Variants in MICU3 observed in about 807,000 individuals in gnomAD.
The protein encoded by MICU3 is mitochondrial calcium uptake 3.
Under a neutral mutation model 66.5 loss-of-function variants are expected in MICU3, and 62 were observed. The observed-to-expected ratio is 0.93, with a 90% confidence interval of 0.76 to 1.15. The LOEUF is 1.15. MICU3 is among the 50% of genes most tolerant of loss of function. MICU3 has a pLI of 0.00. For missense variants in MICU3, 779 were observed against 664.4 expected, an observed-to-expected ratio of 1.17 and a Z score of -1.90; for synonymous variants, 308 against 240.7, an observed-to-expected ratio of 1.28 and a Z score of -2.59.
chr8:17,124,411 C>A (rs1159923451), downstream of MICU3, among the ~76,000 whole-genome samples: 1 of 152,000 alleles, frequency 6.6e-6, no homozygotes, highest in African/African-American at 2.4e-5. Flanking sequence ...GTGACCAGAA[C>A]TATACATGCA....
intron 1 of MICU3, among the ~76,000 whole-genome samples, chr8:17,052,928 A>C (rs981770017): frequency 6.6e-6 from 1 of 152,154 alleles, no homozygotes; most frequent in Non-Finnish European, 1.5e-5. Context: ...TAGAAATATA[A>C]ATTTGCAAGA....
chr8:17,070,488 A>G lies in MICU3; in HGVS notation c.567+769A>G, dbSNP rs561052532. On this transcript the variant is annotated intron_variant, in intron 3 of 14. Coordinates refer to ENST00000318063, the MANE Select transcript of MICU3 (RefSeq NM_181723.3). ...AAAGGAATAATTAACATTAAATTCA[A>G]GAAAGTATTCATCTTCAGGATGATA... 5.3e-3 allele frequency among the ~76,000 whole-genome samples: 810 copies of G among 152,260 alleles called. 9 individuals carry two copies. Among genetic ancestry groups the G allele is most frequent in the African/African-American group, 0.018 (769 of 41,578 alleles).
intron 11 of MICU3, among the ~76,000 whole-genome samples, chr8:17,110,744 G>C (rs923807020): frequency 1.5e-4 from 22 of 150,216 alleles, no homozygotes; most frequent in South Asian, 1.0e-3. Context: ...TTTGGGGAGG[G>C]GGGGGTAGAG....
At chr8:17,083,947 G>A (rs562982470) in intron 5 of MICU3, among the ~76,000 whole-genome samples, 1 of 152,178 alleles carries the variant, frequency 6.6e-6, no homozygotes, top group African/African-American at 2.4e-5. Context: ...GTATAGTTTA[G>A]GAGGGTCAGA....
At chr8:17,134,443 G>C in the MICU3 span, among the ~76,000 whole-genome samples, 1 of 151,380 alleles carries the variant, frequency 6.6e-6, no homozygotes, top group Non-Finnish European at 1.5e-5. Context: ...TTGTTTGTTT[G>C]TTTGTTTGTT....
In MICU3 at chr8:17,118,446, A is replaced by G. The variant is rs138981183; in HGVS notation, c.1525-261A>G. ...TGTACTTTTTAAAAGCATTTTTGAA[A>G]TATGAAATACATGATTACTAACTAT... is the stretch of plus-strand genomic sequence containing the variant. On this transcript the variant is annotated intron_variant, in intron 13 of 14. Transcript: ENST00000318063. Among the ~76,000 whole-genome samples the G allele has an allele frequency of 8.3e-3, 1,266 of 152,310 alleles. 28 individuals are homozygous for G. The highest frequency in any genetic ancestry group is 0.029 in the African/African-American group (1,189 of 41,564).
At chr8:17,077,891 T>A (rs776690591) in intron 4 of MICU3, 30 bp downstream of exon 4, 2 of 1,365,946 alleles carry the variant, frequency 1.5e-6, no homozygotes, top group Non-Finnish European at 2.1e-6. Flanking sequence ...TGTTCTTTTT[T>A]TAAACTATAT....
At chr8:17,078,220 A>G (rs952038675) in intron 4 of MICU3, among the ~76,000 whole-genome samples, 2 of 152,074 alleles carry the variant, frequency 1.3e-5, no homozygotes, top group Non-Finnish European at 2.9e-5. Flanking sequence ...TAGATCTTCA[A>G]AGGTCTATTT....
At chr8:17,088,295 G>C (rs141446237) in intron 7 of MICU3, among the ~76,000 whole-genome samples, 7 of 151,884 alleles carry the variant, frequency 4.6e-5, no homozygotes, top group African/African-American at 1.4e-4. Context: ...GTATCAAAAG[G>C]GGCAGTAGTA....
chr8:17,052,339 C>A lies in MICU3; in HGVS notation c.382-11745C>A, dbSNP rs146009384. ...GTTATCCATCCCCTTGAACATTTAT[C>A]ATTTCTTTGTGTCAAGAACATTTCA... On this transcript the variant is annotated intron_variant, in intron 1 of 14. Coordinates refer to ENST00000318063, the MANE Select transcript of MICU3 (RefSeq NM_181723.3). Among the ~76,000 whole-genome samples, 50 of 152,170 alleles carry A rather than the reference C, an allele frequency of 3.3e-4. No individual in the cohort carries two copies. In the East Asian group the frequency reaches 6.0e-3, roughly 18 times the overall value.
At chr8:17,030,034 C>T (rs1173531937) in intron 1 of MICU3, among the ~76,000 whole-genome samples, 3 of 152,090 alleles carry the variant, frequency 2.0e-5, no homozygotes, top group Non-Finnish European at 4.4e-5. Context: ...TTCTGCTATT[C>T]TACTTTTTTA....
Position 17,064,227 on chromosome 8 carries a change from T to C in MICU3, c.525T>C (p.Asp175=), listed in dbSNP as rs1215809894. The C allele has an allele frequency of 6.2e-7, 1 of 1,611,674 alleles. No homozygotes were observed. Among genetic ancestry groups the C allele is most frequent in the African/African-American group, 1.3e-5 (1 of 74,876 alleles). ...ATTTTATTTTGGCTGTTACAACAGA[T>C]GAGCCCAAAGGTAAGTACACTTTTG... The part of the protein sequence containing the change: ...PYDFILAVTT[D]EPKVAKTWKS... The change falls in exon 2 of 15, where the codon GAT becomes GAC. Residue 175 remains aspartate (D), a synonymous_variant. Transcript: ENST00000318063.
rs951566296 is a variant in MICU3, at chr8:17,114,024, T to A, written c.1258-69T>A. ...AAATGCTTAATCTGTTTTTTTCTCT[T>A]ATGTGTAGATCCTGATTTTAATAAA... is the stretch of plus-strand genomic sequence containing the variant. On this transcript the variant is annotated intron_variant, in intron 11 of 14. Transcript: ENST00000318063. 8.2e-6 allele frequency: 8 copies of A among 971,820 alleles called. No homozygotes were observed. The Admixed American group carries it at 1.5e-4, about 18-fold the overall frequency. 60.2% of individuals were successfully genotyped at this position (971,820 alleles called of 1,614,324 possible).
chr8:17,093,485 T>G (rs968562587), intron 8 of MICU3, among the ~76,000 whole-genome samples: 1 of 152,006 alleles, frequency 6.6e-6, no homozygotes, highest in Non-Finnish European at 1.5e-5. Flanking sequence ...TATATACAGA[T>G]GTATATTACC....
the MICU3 span, among the ~76,000 whole-genome samples, chr8:17,135,944 A>G: frequency 6.6e-6 from 1 of 152,108 alleles, no homozygotes; most frequent in South Asian, 2.1e-4. Context: ...CAAATAGATC[A>G]TTCTTTTCAT....
chr8:17,038,636 A>AT (rs911662290), intron 1 of MICU3, among the ~76,000 whole-genome samples: 4 of 151,658 alleles, frequency 2.6e-5, no homozygotes, highest in Non-Finnish European at 4.4e-5. Flanking sequence ...CTACAGAGAA[A>AT]TTTTTTTTTC....
At position 17,036,950 on chromosome 8, in the gene MICU3, G is replaced by A. The variant is rs939655712; in HGVS notation, c.381+9290G>A. ...TCAGGCATGGCGGGCTGCAGGTCCC[G>A]AGTCCTGCCCCGCGGGAAGGCAGCT... On this transcript the variant is annotated intron_variant, in intron 1 of 14. Coordinates refer to ENST00000318063, the MANE Select transcript of MICU3 (RefSeq NM_181723.3). 6.3e-4 allele frequency among the ~76,000 whole-genome samples: 96 copies of A among 152,346 alleles called. 1 individual carries two copies. Among genetic ancestry groups the A allele is most frequent in the African/African-American group, 1.9e-4 (8 of 41,578 alleles).
downstream of MICU3, among the ~76,000 whole-genome samples, chr8:17,124,095 CTTG>C (rs1402912955): frequency 4.6e-5 from 7 of 151,746 alleles, no homozygotes; most frequent in Non-Finnish European, 1.0e-4. Context: ...TTATTTTTAG[CTTG>C]TTAAGTATTT....
chr8:17,077,843 C>A lies in MICU3; in HGVS notation c.628C>A (p.Arg210=). Residue 210 remains arginine (R), a synonymous_variant, in exon 4 of 15, where the codon CGA becomes AGA. Transcript: ENST00000318063. The part of the protein sequence containing the change: ...PVWKGSSKLF[R]NLKEKGVISY... ...TTGGAAAGGCTCATCGAAGCTATTT[C>A]GAAATCTTAAAGAAAAAGGTGAGTT... 6.2e-7 allele frequency: 1 copy of A among 1,610,246 alleles called. No homozygotes were observed. The highest frequency in any genetic ancestry group is 8.5e-7 in the Non-Finnish European group (1 of 1,177,432).
Sources: allele counts gnomAD v4.1 joint callset (sites outside exome capture counted in the v4.1 genomes callset), GRCh38; gene constraint gnomAD v4.1.1; transcripts MANE v1.5; gene names NCBI Gene and HGNC (gene_info 2026-07-23, HGNC 2026-07-21).